Variants in ZFHX3 observed in about 807,000 individuals in gnomAD.
ZFHX3 encodes zinc finger homeobox protein 3.
A neutral mutation model predicts 279.1 loss-of-function variants in ZFHX3; 42 were observed. That is an observed-to-expected ratio of 0.15 (90% confidence interval 0.12 to 0.19). ZFHX3 has a LOEUF of 0.19. Ranked by LOEUF, ZFHX3 falls within the 10% of genes least tolerant of loss-of-function variation. ZFHX3 has a pLI of 1.00. For synonymous variants in ZFHX3, 2,293 were observed against 1,957.8 expected, an observed-to-expected ratio of 1.17 and a Z score of -4.52; for missense variants, 4,981 against 4,754.0, an observed-to-expected ratio of 1.05 and a Z score of -1.40.
intron 2 of ZFHX3, among the ~76,000 whole-genome samples, chr16:73,644,675 C>A (rs1451781013): frequency 1.1e-5 from 1 of 94,912 alleles, no homozygotes; most frequent in Non-Finnish European, 2.8e-5. Flanking sequence ...CAAAATAAAA[C>A]AAAACTAAAC....
At chr16:73,181,404 T>C (rs1387608918) in intron 5 of ZFHX3, among the ~76,000 whole-genome samples, 1 of 152,152 alleles carries the variant, frequency 6.6e-6, no homozygotes, top group Non-Finnish European at 1.5e-5. Flanking sequence ...GCAGCTAGTT[T>C]TTAGAGCCCC....
chr16:73,207,668 GA>G (rs1294896440), intron 5 of ZFHX3, among the ~76,000 whole-genome samples: 1 of 152,102 alleles, frequency 6.6e-6, no homozygotes, highest in African/African-American at 2.4e-5. Flanking sequence ...AAATAATTTT[GA>G]CATCAGTAAA....
At chr16:73,053,284 T>G (rs1053388938) in intron 1 of ZFHX3, among the ~76,000 whole-genome samples, 45 of 152,068 alleles carry the variant, frequency 3.0e-4, no homozygotes, top group African/African-American at 8.9e-4. Flanking sequence ...GGCCTTTATA[T>G]CTACGAAAAG....
At chr16:73,101,371 G>A (rs1024383018) in intron 7 of ZFHX3, among the ~76,000 whole-genome samples, 1 of 152,014 alleles carries the variant, frequency 6.6e-6, no homozygotes, top group Non-Finnish European at 1.5e-5. Context: ...TATAATTACC[G>A]TGTTGAAAGG....
At chr16:73,855,179 T>C (rs540800730) in intron 1 of ZFHX3, among the ~76,000 whole-genome samples, 6 of 152,084 alleles carry the variant, frequency 3.9e-5, no homozygotes, top group South Asian at 2.1e-4. Flanking sequence ...CTGCAGCCAT[T>C]TGAATCAGAG....
At chr16:73,442,971 A>C (rs1361411331) in intron 3 of ZFHX3, among the ~76,000 whole-genome samples, 1 of 152,240 alleles carries the variant, frequency 6.6e-6, no homozygotes. Context: ...AAGCTGTCCA[A>C]TTTCCTCTTC....
chr16:73,621,977 A>G (rs1438587805), intron 2 of ZFHX3, among the ~76,000 whole-genome samples: 2 of 152,230 alleles, frequency 1.3e-5, no homozygotes, highest in African/African-American at 2.4e-5. Flanking sequence ...GGAGAGATGG[A>G]CACAGCCCTT....
At chr16:72,947,739 TTG>T (rs1489688901) in intron 3 of ZFHX3, among the ~76,000 whole-genome samples, 1 of 151,494 alleles carries the variant, frequency 6.6e-6, no homozygotes, top group African/African-American at 2.4e-5. Context: ...GGAAGGAGGG[TTG>T]TGTGTGAGAA....
chr16:73,557,280 G>A (rs747864481), intron 2 of ZFHX3, among the ~76,000 whole-genome samples: 10 of 151,936 alleles, frequency 6.6e-5, no homozygotes, highest in Admixed American at 1.3e-4. Context: ...GGAGAGTAGC[G>A]CTTTGGGAAA....
intron 1 of ZFHX3, among the ~76,000 whole-genome samples, chr16:73,704,240 G>A (rs575542682): frequency 7.9e-5 from 12 of 152,094 alleles, no homozygotes; most frequent in East Asian, 3.9e-4. Context: ...AACATCCACC[G>A]TTATTAAGTG....
At chr16:73,281,550 T>C (rs1207881594) in intron 4 of ZFHX3, among the ~76,000 whole-genome samples, 2 of 152,204 alleles carry the variant, frequency 1.3e-5, no homozygotes, top group East Asian at 1.9e-4. Context: ...ATACTGTGCC[T>C]GTGCCTATAG....
At chr16:73,558,066 G>A (rs1011659533) in intron 2 of ZFHX3, among the ~76,000 whole-genome samples, 10 of 152,196 alleles carry the variant, frequency 6.6e-5, no homozygotes, top group African/African-American at 2.2e-4. Context: ...CAGAGTTAAA[G>A]GAAGAGAGAA....
chr16:72,787,039 CTTTTTT>C lies in ZFHX3; in HGVS notation c.*119_*124del, dbSNP rs76239888. On this transcript the variant is annotated 3_prime_UTR_variant, in exon 10 of 10. Transcript: ENST00000268489. Reference sequence around the variant, plus strand: ...ACAACCCACGCTTTTTCTTTTTTTTCTTTTTTTTTTTTTTTTTGTTTTTTGGTTAGA... The same window carrying C: ...ACAACCCACGCTTTTTCTTTTTTTTCTTTTTTTTTTTGTTTTTTGGTTAGA... 1.6e-5 allele frequency: 11 copies of C among 684,958 alleles called. No homozygotes were observed. The highest frequency in any genetic ancestry group is 1.2e-4 in the Admixed American group (2 of 16,290). 42.4% of individuals were successfully genotyped at this position (684,958 alleles called of 1,614,324 possible).
chr16:73,625,327 C>T (rs2052404819), intron 2 of ZFHX3, among the ~76,000 whole-genome samples: 2 of 152,212 alleles, frequency 1.3e-5, no homozygotes, highest in African/African-American at 4.8e-5. Context: ...GCACACATCT[C>T]ACAGTAAGAT....
At chr16:73,526,227 C>G (rs1394114405) in intron 2 of ZFHX3, among the ~76,000 whole-genome samples, 4 of 152,236 alleles carry the variant, frequency 2.6e-5, no homozygotes, top group Admixed American at 6.5e-5. Context: ...CTTCCGCCAT[C>G]ATGGGCTGAT....
intron 3 of ZFHX3, among the ~76,000 whole-genome samples, chr16:73,338,904 G>T (rs1597291270): frequency 6.6e-6 from 1 of 152,054 alleles, no homozygotes; most frequent in Admixed American, 6.5e-5. Flanking sequence ...AGATCTGATC[G>T]TTTAAAAAAT....
At chr16:73,644,555 A>G (rs1388529549) in intron 2 of ZFHX3, among the ~76,000 whole-genome samples, 2 of 152,158 alleles carry the variant, frequency 1.3e-5, no homozygotes, top group East Asian at 3.9e-4. Flanking sequence ...CAGCTACCCC[A>G]GAGGCTGAGG....
intron 1 of ZFHX3, among the ~76,000 whole-genome samples, chr16:73,752,523 A>C (rs1023917276): frequency 1.3e-5 from 2 of 151,950 alleles, no homozygotes; most frequent in African/African-American, 4.8e-5. Context: ...TTCTTCTCAG[A>C]TGGCCTCTCT....
chr16:73,385,247 G>A (rs2016878227), intron 3 of ZFHX3, among the ~76,000 whole-genome samples: 2 of 151,962 alleles, frequency 1.3e-5, no homozygotes, highest in African/African-American at 4.8e-5. Flanking sequence ...GCCATTTAGA[G>A]TTCCAATTTT....
Sources: gnomAD v4.1 joint callset for allele counts (sites outside exome capture counted in the v4.1 genomes callset) on GRCh38, gnomAD v4.1.1 for gene constraint, MANE v1.5 for transcripts, NCBI Gene and HGNC (gene_info 2026-07-23, HGNC 2026-07-21) for gene names.